DYNC2H1: variants seen among roughly 807,000 people sequenced by gnomAD.
DYNC2H1 encodes cytoplasmic dynein 2 heavy chain 1.
A neutral mutation model predicts 570.0 loss-of-function variants in DYNC2H1; 410 were observed. The ratio of observed to expected loss-of-function variants is 0.72; its 90% CI spans 0.66 to 0.78. DYNC2H1 has a LOEUF of 0.78. Ranked by LOEUF, DYNC2H1 falls within the 30% of genes least tolerant of loss-of-function variation. The probability of loss-of-function intolerance (pLI) is 0.00; values close to 1 mark genes in which losing one functional copy is unlikely to be tolerated. For missense variants in DYNC2H1, 4,865 were observed against 5,046.4 expected, an observed-to-expected ratio of 0.96 and a Z score of 1.09; for synonymous variants, 1,688 against 1,677.6, an observed-to-expected ratio of 1.01 and a Z score of -0.15.
chr11:103,166,130 A>C, intron 31 of DYNC2H1, 82 bp downstream of exon 31: 1 of 1,198,224 alleles, frequency 8.3e-7, no homozygotes, highest in Non-Finnish European at 1.1e-6. Context: ...TGTGTTTTTG[A>C]CTGTATATCT....
intron 85 of DYNC2H1, among the ~76,000 whole-genome samples, chr11:103,449,174 C>T (rs1039162079): frequency 1.3e-5 from 2 of 151,968 alleles, no homozygotes; most frequent in East Asian, 1.9e-4. Context: ...TGAGAAAGGG[C>T]GGCAAGTGTG....
At chr11:103,123,813 C>G (rs1454865612) in intron 11 of DYNC2H1, among the ~76,000 whole-genome samples, 1 of 128,112 alleles carries the variant, frequency 7.8e-6, no homozygotes, top group Admixed American at 8.9e-5. Flanking sequence ...GCTTTGAAAC[C>G]CCCTCCTCCT....
At chr11:103,179,293 A>G (rs993814892) in intron 39 of DYNC2H1, 60 bp downstream of exon 39, 14 of 1,495,584 alleles carry the variant, frequency 9.4e-6, no homozygotes, top group African/African-American at 1.4e-5. Context: ...TCCTGGTTTC[A>G]TATTAAGTAA....
chr11:103,222,688 A>G (rs1863633667), intron 58 of DYNC2H1, among the ~76,000 whole-genome samples: 1 of 152,250 alleles, frequency 6.6e-6, no homozygotes, highest in Non-Finnish European at 1.5e-5. Flanking sequence ...ACATGTATTC[A>G]TTAGAAATGT....
chr11:103,194,084 A>G (rs1229937986), intron 47 of DYNC2H1, among the ~76,000 whole-genome samples: 1 of 152,212 alleles, frequency 6.6e-6, no homozygotes, highest in Non-Finnish European at 1.5e-5. Flanking sequence ...TATAGCAGTT[A>G]TAGCACCACA....
chr11:103,465,116 G>C lies in DYNC2H1; in HGVS notation c.12649-3473G>C, dbSNP rs889885707. Among the ~76,000 whole-genome samples the C allele has an allele frequency of 1.3e-5, 2 of 151,876 alleles. No homozygotes were observed. Among genetic ancestry groups the C allele is most frequent in the African/African-American group, 4.8e-5 (2 of 41,352 alleles). On this transcript the variant is annotated intron_variant, in intron 87 of 88. Transcript: ENST00000375735. This position sits in a 1 kb window ranked among gnomAD's most constrained non-coding sequence, Gnocchi z 4.9. ...CACTAAAATGGATATACAATCCATA[G>C]CAGAAAAGGAGAAAAAGCAAAAAAA...
intron 54 of DYNC2H1, 40 bp downstream of exon 54, chr11:103,211,983 A>G: frequency 4.9e-6 from 7 of 1,440,806 alleles, no homozygotes; most frequent in Non-Finnish European, 6.4e-6. Flanking sequence ...ATCTATATAT[A>G]GGAAACAAGA....
At chr11:103,336,115 G>A (rs1939109581) in intron 82 of DYNC2H1, among the ~76,000 whole-genome samples, 1 of 152,212 alleles carries the variant, frequency 6.6e-6, no homozygotes, top group Admixed American at 6.5e-5. Context: ...CTCTTGCTAG[G>A]CAAAAGTAAT....
chr11:103,211,708 TA>T, intron 53 of DYNC2H1, 80 bp from the exon 54 acceptor site: 1 of 581,442 alleles, frequency 1.7e-6, no homozygotes, highest in Non-Finnish European at 2.8e-6. Flanking sequence ...TTGTATAAAA[TA>T]ACTATCATTA....
At position 103,253,393 on chromosome 11, in the gene DYNC2H1, C is replaced by T. The variant is rs1346423637; in HGVS notation, c.10151C>T (p.Ala3384Val). Residue 3384 changes from alanine to valine, a missense_variant, in exon 66 of 89, where the codon GCT (alanine) becomes GTT (valine). Around this residue, in one of 5 missense-constraint regions of DYNC2H1, gnomAD observed 2,401 missense variants for 2,454.6 expected, o/e 0.98. Coordinates refer to ENST00000375735, the MANE Select transcript of DYNC2H1 (RefSeq NM_001377.3). ...AATCCTTTTATTCCACCGGATGCAG[C>T]TTCCATTGTTACTGAGGTTAACTTT... The part of the protein sequence containing the change: ...NPNPFIPPDA[A>V]SIVTEVNFTT... 6.2e-7 allele frequency: 1 copy of T among 1,613,242 alleles called. No homozygotes were observed. The highest frequency in any genetic ancestry group is 1.7e-5 in the Admixed American group (1 of 59,974).
intron 59 of DYNC2H1, among the ~76,000 whole-genome samples, chr11:103,226,866 G>A (rs891513127): frequency 5.9e-5 from 9 of 151,852 alleles, no homozygotes; most frequent in Non-Finnish European, 1.0e-4. Context: ...CAATCCTGCT[G>A]TTTGTTATTG....
At chr11:103,136,098 A>C (rs1300849327) in intron 17 of DYNC2H1, 150 bp downstream of exon 17, 1 of 597,172 alleles carries the variant, frequency 1.7e-6, no homozygotes, top group Admixed American at 4.3e-5. Flanking sequence ...ATACTTATAC[A>C]ACCTAGATTT....
In DYNC2H1 at chr11:103,323,870, A is replaced by T; in HGVS notation, c.11935-16A>T. The T allele has an allele frequency of 6.3e-7, 1 of 1,593,082 alleles. No individual in the cohort carries two copies. The highest frequency in any genetic ancestry group is 1.7e-5 in the Admixed American group (1 of 58,176). On this transcript the variant is annotated splice_polypyrimidine_tract_variant and intron_variant, in intron 81 of 88. Transcript: ENST00000375735. Reference sequence around the variant, plus strand: ...TTATTTTTTAAAAAAACTGTTTTTCACTTCTTTATATTTAGGACTATCGTG... The same window carrying T: ...TTATTTTTTAAAAAAACTGTTTTTCTCTTCTTTATATTTAGGACTATCGTG...
chr11:103,211,689 G>A, intron 53 of DYNC2H1, 100 bp from the exon 54 acceptor site: 1 of 497,472 alleles, frequency 2.0e-6, no homozygotes, highest in South Asian at 5.4e-5. Context: ...TATATAGCAT[G>A]GAAGTATCTT....
Position 103,243,579 on chromosome 11 carries a change from G to A in DYNC2H1, c.9820-114G>A. The A allele has an allele frequency of 1.2e-6, 1 of 861,326 alleles. No homozygotes were observed. The highest frequency in any genetic ancestry group is 1.8e-6 in the Non-Finnish European group (1 of 569,128). The allele number at this position is 861,326 out of a possible 1,614,324, so 53.4% of individuals were successfully genotyped here. ...TGGTTGTATATTTGTGTTCTCCAAAGCTTGAGAGAAAAGATCATTTAGTAA... is the reference window on the plus strand; with the variant it reads ...TGGTTGTATATTTGTGTTCTCCAAAACTTGAGAGAAAAGATCATTTAGTAA... On this transcript the variant is annotated intron_variant, in intron 63 of 88. Transcript: ENST00000375735. This position sits in a 1 kb window ranked among gnomAD's most constrained non-coding sequence, Gnocchi z 4.8.
intron 58 of DYNC2H1, among the ~76,000 whole-genome samples, chr11:103,222,601 AG>A (rs1863629165): frequency 6.6e-6 from 1 of 152,212 alleles, no homozygotes; most frequent in African/African-American, 2.4e-5. Flanking sequence ...ATAGTTTTAA[AG>A]CTGCTCTTAT....
intron 47 of DYNC2H1, among the ~76,000 whole-genome samples, chr11:103,197,689 C>A (rs1862555936): frequency 6.6e-6 from 1 of 152,282 alleles, no homozygotes; most frequent in African/African-American, 2.4e-5. Flanking sequence ...CTGAAGTAAT[C>A]CTCCTGCCTT....
chr11:103,438,326 C>T (rs1185656135), intron 85 of DYNC2H1, among the ~76,000 whole-genome samples: 1 of 152,030 alleles, frequency 6.6e-6, no homozygotes, highest in Non-Finnish European at 1.5e-5. Context: ...TCATCTGTGC[C>T]TTCTCTGTTT....
Position 103,165,961 on chromosome 11 carries a change from A to C in DYNC2H1, c.4675A>C (p.Ser1559Arg), listed in dbSNP as rs1861287649. 6.6e-7 allele frequency: 1 copy of C among 1,519,442 alleles called. No individual in the cohort carries two copies. The highest frequency in any genetic ancestry group is 1.4e-5 in the African/African-American group (1 of 71,658). 94.1% of individuals were successfully genotyped at this position (1,519,442 alleles called of 1,614,324 possible). Residue 1559 changes from serine to arginine, a missense_variant, in exon 31 of 89, where the codon AGT becomes CGT. Ser to Arg is a moderately radical substitution (Grantham distance 110). This residue lies in a region of DYNC2H1 where 1,936 missense variants were observed against 1,962.1 expected (regional missense o/e 0.99). Transcript: ENST00000375735. ...TGTAGAAAATGCTATTAAAGATCAT[A>C]GTCTTCATCAGATTGAAACACAACT... ...EDVENAIKDH[S>R]LHQIETQLVN...
Sources: gnomAD v4.1 joint callset for allele counts (sites outside exome capture counted in the v4.1 genomes callset) on GRCh38, gnomAD v4.1.1 for gene constraint, gnomAD v4.1.1 regional missense constraint, Gnocchi (gnomAD v3.1) non-coding constraint, MANE v1.5 for transcripts, NCBI Gene and HGNC (gene_info 2026-07-23, HGNC 2026-07-21) for gene names.